The following PLEK2 variants were observed in gnomAD, a reference collection of about 807,000 sequenced individuals.
The protein encoded by PLEK2 is pleckstrin 2.
In PLEK2, 29 loss-of-function variants were observed where a neutral mutation model predicts 43.8. The observed-to-expected ratio is 0.66, with a 90% confidence interval of 0.49 to 0.90. The LOEUF (loss-of-function observed/expected upper bound fraction) is 0.90. PLEK2 is among the 40% of genes least tolerant of loss of function. The probability of loss-of-function intolerance (pLI) is 0.00; values close to 1 mark genes in which losing one functional copy is unlikely to be tolerated. For synonymous variants in PLEK2, 162 were observed against 173.2 expected, an observed-to-expected ratio of 0.94 and a Z score of 0.51; for missense variants, 398 against 448.1, an observed-to-expected ratio of 0.89 and a Z score of 1.01.
At position 67,392,757 on chromosome 14, in the gene PLEK2, A is replaced by G; in HGVS notation, c.574T>C (p.Phe192Leu). The change falls in exon 5 of 9, where the codon TTC becomes CTC. Residue 192 changes from phenylalanine (F) to leucine (L), a missense_variant. Transcript: ENST00000216446. ...CTTCGGACACCCACAGGCCTGAGGA[A>G]GTTCTCCTCCATGAGCATGGAGGCC... ...TLASMLMEEN[F>L]LRPVGVRSMG... 1 of 1,614,064 alleles carries G rather than the reference A, an allele frequency of 6.2e-7. No individual in the cohort carries two copies. The highest frequency in any genetic ancestry group is 2.2e-5 in the East Asian group (1 of 44,874).
chr14:67,392,474 G>A (rs1468423147), intron 5 of PLEK2, 47 bp from the exon 6 acceptor site: 2 of 1,441,810 alleles, frequency 1.4e-6, no homozygotes, highest in Non-Finnish European at 2.0e-6. Context: ...AAAGACCCAG[G>A]CCCAGGCTAT....
Position 67,412,020 on chromosome 14 carries a change from TCTTGACCAGGAAGCCCTC to T in PLEK2, c.22_39del (p.Glu8_Lys13del). ...CCCGAAGCTCGACGCGCACTCACCCTCTTGACCAGGAAGCCCTCCTTGAGCACGCCGTCCTCCATGTCG... is the reference window on the plus strand; with the variant it reads ...CCCGAAGCTCGACGCGCACTCACCCTCTTGAGCACGCCGTCCTCCATGTCG... On this transcript the variant is annotated inframe_deletion, in exon 1 of 9. Transcript: ENST00000216446. 1 of 1,555,452 alleles carries T rather than the reference TCTTGACCAGGAAGCCCTC, an allele frequency of 6.4e-7. No homozygotes were observed.
intron 1 of PLEK2, among the ~76,000 whole-genome samples, chr14:67,398,343 G>A (rs1482164752): frequency 3.9e-5 from 6 of 151,988 alleles, no homozygotes; most frequent in African/African-American, 7.2e-5. Context: ...TCCCACCTCA[G>A]AAAGGGATCC....
chr14:67,392,406 T>C lies in PLEK2; in HGVS notation c.691A>G (p.Ile231Val). 1.2e-6 allele frequency: 2 copies of C among 1,613,736 alleles called. No homozygotes were observed. Among genetic ancestry groups the C allele is most frequent in the East Asian group, 2.2e-5 (1 of 44,872 alleles). ...YTFAESYKKK[I>V]SPKEEISLST... Reference sequence around the variant, plus strand: ...AGGCTAATTTCTTCCTTGGGGCTTATCTTCTTTTTGTAGCTCTCAGCCTAG... The same window carrying C: ...AGGCTAATTTCTTCCTTGGGGCTTACCTTCTTTTTGTAGCTCTCAGCCTAG... The change falls in exon 6 of 9, where the codon ATA (isoleucine) becomes GTA (valine). Residue 231 changes from isoleucine (I) to valine (V), a missense_variant. Transcript: ENST00000216446.
At chr14:67,392,925 G>A (rs2085980056) in intron 4 of PLEK2, 76 bp from the exon 5 acceptor site, 1 of 1,274,080 alleles carries the variant, frequency 7.8e-7, no homozygotes, top group Admixed American at 2.2e-5. Flanking sequence ...TGACCTCACT[G>A]ACCTTGGCCC....
intron 3 of PLEK2, 50 bp downstream of exon 3, chr14:67,395,352 C>A (rs368939061): frequency 2.6e-6 from 4 of 1,560,270 alleles, no homozygotes; most frequent in Non-Finnish European, 3.5e-6. Context: ...CCTGCCCACC[C>A]AACACAGGCA....
chr14:67,408,147 G>A lies in PLEK2; in HGVS notation c.42+3871C>T, dbSNP rs758891027. 5.9e-5 allele frequency among the ~76,000 whole-genome samples: 9 copies of A among 151,924 alleles called. No individual in the cohort carries two copies. The South Asian group carries it at 1.2e-3, about 21-fold the overall frequency. The stretch of plus-strand genomic sequence containing the variant: ...ACTAAAAATACAAAATTAACCGGGC[G>A]TGGTGGTGCATGCCTGTAATCTCAG... On this transcript the variant is annotated intron_variant, in intron 1 of 8. Transcript: ENST00000216446.
intron 1 of PLEK2, among the ~76,000 whole-genome samples, chr14:67,411,646 C>T (rs2086115684): frequency 6.6e-6 from 1 of 152,204 alleles, no homozygotes; most frequent in South Asian, 2.1e-4. Flanking sequence ...AGTAGCATTC[C>T]TCCTTCACAG....
At chr14:67,389,252 A>AT (rs2085949839) in intron 7 of PLEK2, among the ~76,000 whole-genome samples, 2 of 152,072 alleles carry the variant, frequency 1.3e-5, no homozygotes, top group African/African-American at 4.8e-5. Flanking sequence ...TGTACTACTA[A>AT]ATGCCAACGG....
At position 67,388,161 on chromosome 14, in the gene PLEK2, A is replaced by G. The variant is rs190862385; in HGVS notation, c.934+63T>C. 2.1e-5 allele frequency: 21 copies of G among 1,010,140 alleles called. No individual in the cohort carries two copies. In the East Asian group the frequency reaches 4.1e-4, roughly 20 times the overall value. The allele number at this position is 1,010,140 out of a possible 1,614,324, so 62.6% of individuals were successfully genotyped here. A position where few individuals can be genotyped will look rare whatever the true frequency, so the allele number is the denominator to read the frequency against. ...AAAGCTGTCATTTCATTAGTGGGAC[A>G]TTACTGAGGTGCAGGAGGGAGGCCC... On this transcript the variant is annotated intron_variant, in intron 8 of 8. Coordinates refer to ENST00000216446, the MANE Select transcript of PLEK2 (RefSeq NM_016445.3).
chr14:67,404,641 C>A (rs1356518029), intron 1 of PLEK2, among the ~76,000 whole-genome samples: 1 of 151,816 alleles, frequency 6.6e-6, no homozygotes, highest in African/African-American at 2.4e-5. Context: ...AATACCTAGT[C>A]TCTACAAATA....
At chr14:67,399,436 T>G (rs2086032403) in intron 1 of PLEK2, among the ~76,000 whole-genome samples, 1 of 144,446 alleles carries the variant, frequency 6.9e-6, no homozygotes, top group African/African-American at 2.6e-5. Context: ...AAGGGTAGTT[T>G]AGGTGGCTGT....
At chr14:67,394,220 G>A (rs1217239021) in intron 3 of PLEK2, among the ~76,000 whole-genome samples, 1 of 152,174 alleles carries the variant, frequency 6.6e-6, no homozygotes, top group Non-Finnish European at 1.5e-5. Flanking sequence ...CCAAAGAGGT[G>A]TGACTTTTAA....
Position 67,412,137 on chromosome 14 carries a change from G to T in PLEK2, c.-78C>A. On this transcript the variant is annotated 5_prime_UTR_variant, in exon 1 of 9. Transcript: ENST00000216446. ...GCTCCTCGGCACCCGCGCAGCCCGC[G>T]CAGTCCGCGCCCACGGCGCCCAGGA... 1 of 1,280,294 alleles carries T rather than the reference G, an allele frequency of 7.8e-7. No homozygotes were observed. The highest frequency in any genetic ancestry group is 1.0e-6 in the Non-Finnish European group (1 of 981,972). 79.3% of individuals were successfully genotyped at this position (1,280,294 alleles called of 1,614,324 possible).
intron 1 of PLEK2, among the ~76,000 whole-genome samples, chr14:67,400,153 T>C (rs1220013082): frequency 6.6e-6 from 1 of 152,218 alleles, no homozygotes; most frequent in African/African-American, 2.4e-5. Context: ...TTTGTGCATA[T>C]AACTGAGCTT....
Position 67,407,454 on chromosome 14 carries a change from T to C in PLEK2, c.42+4564A>G, listed in dbSNP as rs933251417. On this transcript the variant is annotated intron_variant, in intron 1 of 8. Coordinates refer to ENST00000216446, the MANE Select transcript of PLEK2 (RefSeq NM_016445.3). The stretch of plus-strand genomic sequence containing the variant: ...TATTTTTTTTTAATTAAAAAAAATG[T>C]TTTTGAGGCAGGGTCTCATTTGGTT... Among the ~76,000 whole-genome samples, 9 of 151,486 alleles carry C rather than the reference T, an allele frequency of 5.9e-5. No homozygotes were observed. The East Asian group carries it at 1.8e-3, about 30-fold the overall frequency.
chr14:67,411,911 G>T, intron 1 of PLEK2, 107 bp downstream of exon 1: 2 of 1,038,372 alleles, frequency 1.9e-6, no homozygotes, highest in Non-Finnish European at 2.7e-6. Context: ...GGTTGGGGAT[G>T]GGAACCAGAG....
At chr14:67,407,887 C>T (rs547710730) in intron 1 of PLEK2, among the ~76,000 whole-genome samples, 1 of 152,218 alleles carries the variant, frequency 6.6e-6, no homozygotes, top group East Asian at 1.9e-4. Context: ...CCAGGAAGTT[C>T]GCTTGAGCTC....
chr14:67,402,550 T>G (rs1203669982), intron 1 of PLEK2, among the ~76,000 whole-genome samples: 1 of 152,190 alleles, frequency 6.6e-6, no homozygotes, highest in Non-Finnish European at 1.5e-5. Context: ...TTTGTACCCA[T>G]TAACCATTCC....
Sources: gnomAD v4.1 joint callset for allele counts (sites outside exome capture counted in the v4.1 genomes callset) on GRCh38, gnomAD v4.1.1 for gene constraint, MANE v1.5 for transcripts, NCBI Gene and HGNC (gene_info 2026-07-23, HGNC 2026-07-21) for gene names.